The following LGSN variants were observed in gnomAD, a reference collection of about 807,000 sequenced individuals.
LGSN encodes the protein lengsin.
LGSN carries 21 observed loss-of-function variants against 19.5 expected under a neutral mutation model. The observed-to-expected ratio is 1.07, with a 90% CI of 0.76 to 1.55. The LOEUF is 1.55. Ranked by LOEUF, LGSN falls within the 40% of genes most tolerant of loss-of-function variation. The pLI, the probability that LGSN is intolerant of heterozygous loss-of-function variation, is 0.00. For synonymous variants in LGSN, 257 were observed against 215.6 expected (o/e 1.19, Z -1.68); for missense variants, 673 against 608.5 (o/e 1.11, Z -1.12).
the LGSN span, among the ~76,000 whole-genome samples, chr6:63,424,447 A>T: frequency 6.7e-6 from 1 of 150,048 alleles, no homozygotes; most frequent in South Asian, 2.1e-4. Flanking sequence ...AGAAAATCAA[A>T]GAGTAAGGAA....
At chr6:63,498,729 C>T in the LGSN span, among the ~76,000 whole-genome samples, 1 of 152,134 alleles carries the variant, frequency 6.6e-6, no homozygotes, top group Admixed American at 6.5e-5. Flanking sequence ...GACAAGTGCT[C>T]ATTTACAGGA....
the LGSN span, among the ~76,000 whole-genome samples, chr6:63,508,641 G>T: frequency 1.3e-5 from 2 of 152,114 alleles, no homozygotes; most frequent in Admixed American, 6.5e-5. Context: ...TTCTGGCTGG[G>T]CACGGTGGCT....
chr6:63,534,452 A>AACACACACACACACAC, the LGSN span, among the ~76,000 whole-genome samples: 1 of 144,416 alleles, frequency 6.9e-6, no homozygotes, highest in African/African-American at 2.6e-5. Context: ...CACACAGAGA[A>AACACACACACACACAC]ACACACACAC....
At chr6:63,432,353 C>T in the LGSN span, among the ~76,000 whole-genome samples, 2,238 of 152,180 alleles carry the variant, frequency 0.015, 44 homozygotes, top group African/African-American at 0.051. Flanking sequence ...ATCCTGGTAA[C>T]TGACATTTAT....
At chr6:63,498,023 A>G in the LGSN span, among the ~76,000 whole-genome samples, 1 of 147,578 alleles carries the variant, frequency 6.8e-6, no homozygotes, top group South Asian at 2.2e-4. Context: ...GGTTCAAGCG[A>G]TTCTCTTGCC....
the LGSN span, among the ~76,000 whole-genome samples, chr6:63,525,895 T>C: frequency 2.0e-5 from 3 of 152,230 alleles, no homozygotes; most frequent in Admixed American, 6.5e-5. Context: ...ATTTGAGTTC[T>C]AGTGAGTTGG....
the LGSN span, among the ~76,000 whole-genome samples, chr6:63,358,291 G>T: frequency 3.3e-5 from 5 of 152,264 alleles, no homozygotes; most frequent in South Asian, 1.0e-3. Flanking sequence ...TGTTCTTTTG[G>T]CTTAGGATTG....
At chr6:63,482,177 C>T in the LGSN span, among the ~76,000 whole-genome samples, 1 of 151,910 alleles carries the variant, frequency 6.6e-6, no homozygotes, top group African/African-American at 2.4e-5. Flanking sequence ...TATATTTTCT[C>T]TCCCTCTCCC....
the LGSN span, among the ~76,000 whole-genome samples, chr6:63,449,322 G>A: frequency 2.0e-5 from 3 of 152,032 alleles, no homozygotes; most frequent in Non-Finnish European, 2.9e-5. Flanking sequence ...CGAGGCGGGC[G>A]GATCACAAGG....
the LGSN span, among the ~76,000 whole-genome samples, chr6:63,505,186 C>T: frequency 4.3e-5 from 6 of 140,024 alleles, no homozygotes; most frequent in African/African-American, 1.1e-4. Context: ...TTTTTTTTAA[C>T]GTTATTGATA....
the LGSN span, among the ~76,000 whole-genome samples, chr6:63,364,111 C>T: frequency 6.6e-6 from 1 of 152,174 alleles, no homozygotes; most frequent in Non-Finnish European, 1.5e-5. Flanking sequence ...GCTAAATGCT[C>T]TAATTAAAAG....
the LGSN span, among the ~76,000 whole-genome samples, chr6:63,375,934 T>C: frequency 6.6e-6 from 1 of 152,180 alleles, no homozygotes; most frequent in African/African-American, 2.4e-5. Flanking sequence ...TGTTTGGTCC[T>C]TAGAACCAAA....
At chr6:63,568,536 A>C in the LGSN span, among the ~76,000 whole-genome samples, 2 of 152,216 alleles carry the variant, frequency 1.3e-5, no homozygotes, top group Non-Finnish European at 2.9e-5. Context: ...ATAATTTAAA[A>C]GTTTGAAATA....
chr6:63,443,493 C>G, the LGSN span: 1 of 399,790 alleles, frequency 2.5e-6, no homozygotes, highest in African/African-American at 2.1e-5. Context: ...TGTCACCTCT[C>G]ACCTTTGCAC....
chr6:63,312,899 CA>C (rs1192617715), intron 1 of LGSN, among the ~76,000 whole-genome samples: 5 of 152,026 alleles, frequency 3.3e-5, no homozygotes, highest in Admixed American at 3.3e-4. Flanking sequence ...CTAGGAAACC[CA>C]AAAAGCAAAG....
At chr6:63,560,635 C>T in the LGSN span, among the ~76,000 whole-genome samples, 1 of 151,994 alleles carries the variant, frequency 6.6e-6, no homozygotes, top group Non-Finnish European at 1.5e-5. Context: ...AACTCCTGAC[C>T]TCAGGTGATC....
the LGSN span, among the ~76,000 whole-genome samples, chr6:63,361,038 C>G: frequency 6.6e-6 from 1 of 152,146 alleles, no homozygotes; most frequent in East Asian, 1.9e-4. Flanking sequence ...GAGGAGTACC[C>G]AGCCATGTGA....
At chr6:63,453,806 A>G in the LGSN span, among the ~76,000 whole-genome samples, 1 of 152,014 alleles carries the variant, frequency 6.6e-6, no homozygotes, top group South Asian at 2.1e-4. Flanking sequence ...GGCGCCCGCC[A>G]CCACGCCCGG....
chr6:63,457,228 G>A, the LGSN span, among the ~76,000 whole-genome samples: 16 of 152,154 alleles, frequency 1.1e-4, no homozygotes, highest in Non-Finnish European at 1.5e-4. Context: ...AGTTTGGACC[G>A]GGCGTGGTGG....
Sources: allele counts gnomAD v4.1 joint callset (sites outside exome capture counted in the v4.1 genomes callset), GRCh38; gene constraint gnomAD v4.1.1; transcripts MANE v1.5; gene names NCBI Gene and HGNC (gene_info 2026-07-23, HGNC 2026-07-21).